Variants in TTN observed in about 807,000 individuals in gnomAD.
TTN encodes connectin.
A neutral mutation model predicts 3,223.0 loss-of-function variants in TTN; 1,525 were observed. The ratio of observed to expected loss-of-function variants is 0.47; its 90% CI spans 0.45 to 0.49. TTN has a LOEUF of 0.49. Ranked by LOEUF, TTN falls within the 20% of genes least tolerant of loss-of-function variation. The pLI, the probability that TTN is intolerant of heterozygous loss-of-function variation, is 0.00. For missense variants in TTN, 40,786 were observed against 43,424.0 expected, an observed-to-expected ratio of 0.94 and a Z score of 5.40; for synonymous variants, 14,094 against 15,161.0, an observed-to-expected ratio of 0.93 and a Z score of 5.17.
chr2:178,684,796 AC>A (rs1273035205), intron 130 of TTN, 47 bp from the exon 131 acceptor site: 2 of 1,583,130 alleles, frequency 1.3e-6, no homozygotes, highest in African/African-American at 2.7e-5. Flanking sequence ...TATGGAAAAC[AC>A]TAAACACAGG....
rs778669932 is a variant in TTN at position 178,771,470 on chromosome 2, A to C, written c.7857T>G (p.Gly2619=). The part of the protein sequence containing the change: ...NMTSGKLTVA[G]GAISKPLTDQ... ...CTGTGAGTGGCTTGGAGATGGCCCC[A>C]CCTTTGGAACAAGAGATGTACAGTA... The change falls in exon 34 of 363, where the codon GGT becomes GGG. Residue 2619 remains glycine (G), a splice_region_variant and synonymous_variant. Coordinates refer to ENST00000589042, the MANE Select transcript of TTN (RefSeq NM_001267550.2). 6.2e-7 allele frequency: 1 copy of C among 1,613,900 alleles called. No homozygotes were observed.
At position 178,777,971 on chromosome 2, in the gene TTN, G is replaced by T. The variant is rs375231916; in HGVS notation, c.4213C>A (p.Leu1405Ile). The part of the protein sequence containing the change: ...TLEPVSRIRS[L>I]SPRSVSRSPI... ...GACCTGCTCACTGAACGTGGAGAGA[G>T]AGATCTGCAAAACAAAGACACACAA... Residue 1405 changes from leucine (L) to isoleucine (I), a missense_variant, in exon 25 of 363, where the codon CTC becomes ATC. Coordinates refer to ENST00000589042, the MANE Select transcript of TTN (RefSeq NM_001267550.2). 2 of 1,613,494 alleles carry T rather than the reference G, an allele frequency of 1.2e-6. No homozygotes were observed. Among genetic ancestry groups the T allele is most frequent in the Non-Finnish European group, 1.7e-6 (2 of 1,179,752 alleles).
Position 178,593,440 on chromosome 2 carries a change from C to G in TTN, c.58768G>C (p.Glu19590Gln). The change falls in exon 299 of 363, where the codon GAA becomes CAA. Residue 19590 changes from glutamate to glutamine, a missense_variant. Physicochemically the swap from Glu to Gln is conservative, Grantham distance 29. Transcript: ENST00000589042. ...ACTAATGCAGAGTCTTTGGTAACTTCTGTAACAATTGGCTGATCAGGTGCA... is the reference window on the plus strand; with the variant it reads ...ACTAATGCAGAGTCTTTGGTAACTTGTGTAACAATTGGCTGATCAGGTGCA... Reference protein sequence around the residue: ...PDAPDQPIVTEVTKDSALVTW... With the variant: ...PDAPDQPIVTQVTKDSALVTW... 6.2e-7 allele frequency: 1 copy of G among 1,612,886 alleles called. No homozygotes were observed. Among genetic ancestry groups the G allele is most frequent in the South Asian group, 1.1e-5 (1 of 90,816 alleles).
rs1464689186 is a variant in TTN at position 178,724,282 on chromosome 2, G to A, written c.21093C>T (p.Cys7031=). ...AACCTGAAACATCAACCACAGCTGT[G>A]CAGCTGCTTTTCCCAACATTATTTT... ...QVQNNVGKSS[C]TAVVDVSDRA... Residue 7031 remains cysteine, a synonymous_variant, in exon 72 of 363, where the codon TGC becomes TGT. Coordinates refer to ENST00000589042, the MANE Select transcript of TTN (RefSeq NM_001267550.2). The A allele has an allele frequency of 6.2e-7, 1 of 1,613,318 alleles. No individual in the cohort carries two copies. The highest frequency in any genetic ancestry group is 8.5e-7 in the Non-Finnish European group (1 of 1,179,524).
chr2:178,578,041 C>T lies in TTN; in HGVS notation c.68474G>A (p.Gly22825Asp), dbSNP rs376030605. The change falls in exon 322 of 363, where the codon GGT (glycine) becomes GAT (aspartate). Residue 22825 changes from glycine to aspartate, a missense_variant. Coordinates refer to ENST00000589042, the MANE Select transcript of TTN (RefSeq NM_001267550.2). ...EFRVMAINLA[G>D]VGKPSLPSEP... is the part of the protein sequence containing the mutation. ...TGATGGTAGGCTTGGCTTGCCCACA[C>T]CTGCTAAATTGATTGCCATAACTCG... is the stretch of plus-strand genomic sequence containing the variant. 2 of 1,613,112 alleles carry T rather than the reference C, an allele frequency of 1.2e-6. No homozygotes were observed. Among genetic ancestry groups the T allele is most frequent in the African/African-American group, 1.3e-5 (1 of 74,860 alleles).
rs1187898904 is a variant in TTN, at chr2:178,739,221, T to C, written c.14012A>G (p.His4671Arg). The C allele has an allele frequency of 2.5e-6, 4 of 1,573,706 alleles. No individual in the cohort carries two copies. Among genetic ancestry groups the C allele is most frequent in the South Asian group, 1.2e-5 (1 of 83,588 alleles). The change falls in exon 48 of 363, where the codon CAT (histidine) becomes CGT (arginine). Residue 4671 changes from histidine (H) to arginine (R), a missense_variant. Coordinates refer to ENST00000589042, the MANE Select transcript of TTN (RefSeq NM_001267550.2). ...LVIDKVNTED[H>R]QGEYVCEALN... ...GGCCTCACAGACATACTCTCCTTGA[T>C]GGTCTTCGGTATTTACTTTGTCGAT...
chr2:178,651,393 A>G, intron 207 of TTN, 60 bp downstream of exon 207: 1 of 1,601,630 alleles, frequency 6.2e-7, no homozygotes, highest in Non-Finnish European at 8.5e-7. Flanking sequence ...ACAGAACAAA[A>G]CCCTTTTAGA....
Position 178,581,524 on chromosome 2 carries a change from A to T in TTN, c.66744T>A (p.Asp22248Glu), listed in dbSNP as rs2047745662. Residue 22248 changes from aspartate (D) to glutamate (E), a missense_variant, in exon 316 of 363, where the codon GAT becomes GAA. Asp to Glu is a conservative substitution (Grantham distance 45). Coordinates refer to ENST00000589042, the MANE Select transcript of TTN (RefSeq NM_001267550.2). ...TTAAGATGTCCTTGGGATAGTGTTT[A>T]TCTGGCACATCACTGGGGTCACTGT... ...IGYSDPSDVP[D>E]KHYPKDILIP... is the part of the protein sequence containing the mutation. 1 of 1,605,286 alleles carries T rather than the reference A, an allele frequency of 6.2e-7. No individual in the cohort carries two copies.
In TTN at chr2:178,532,617, G is replaced by A. The variant is rs1689668746; in HGVS notation, c.103998C>T (p.Pro34666=). ...TTTTCATTGCTAAGTAGTCATCAATGGGGAGGAGTAATTCTTCATCAGAGA... is the reference window on the plus strand; with the variant it reads ...TTTTCATTGCTAAGTAGTCATCAATAGGGAGGAGTAATTCTTCATCAGAGA... ...GDISDEELLL[P]IDDYLAMKRT... is the part of the protein sequence containing the mutation. The change falls in exon 358 of 363, where the codon CCC becomes CCT. Residue 34666 remains proline (P), a synonymous_variant. Transcript: ENST00000589042. The A allele has an allele frequency of 6.2e-7, 1 of 1,613,926 alleles. No homozygotes were observed.
At chr2:178,695,702 ACT>A (rs2073573086) in intron 114 of TTN, among the ~76,000 whole-genome samples, 161 bp downstream of exon 114, 1 of 152,004 alleles carries the variant, frequency 6.6e-6, no homozygotes, top group South Asian at 2.1e-4. Context: ...CATGAAAGTA[ACT>A]CTGAGGAAAA....
intron 20 of TTN, among the ~76,000 whole-genome samples, chr2:178,781,991 T>C (rs1405270993): frequency 1.3e-5 from 2 of 152,100 alleles, no homozygotes; most frequent in South Asian, 2.1e-4. Context: ...AATTAAACTA[T>C]AATGTAAAGA....
At chr2:178,667,196 A>G (rs1251873494) in intron 162 of TTN, 40 bp downstream of exon 162, 1 of 1,493,374 alleles carries the variant, frequency 6.7e-7, no homozygotes, top group Non-Finnish European at 9.1e-7. Context: ...TGAAGACAGT[A>G]TATTTTCTTC....
At chr2:178,772,850 G>C (rs1464560519) in intron 33 of TTN, 1 of 502,310 alleles carries the variant, frequency 2.0e-6, no homozygotes, top group Non-Finnish European at 3.5e-6. Context: ...GTGATCCTGG[G>C]GTTGGATGAG....
chr2:178,548,395 G>A lies in TTN; in HGVS notation c.93231C>T (p.Val31077=), dbSNP rs757561934. ...ACGGAACACCTTCGGCCAGGTCATT[G>A]ACCTTGAAGATCTGACGAGTGCATT... ...SEKCTRQIFK[V]NDLAEGVPYY... The change falls in exon 339 of 363, where the codon GTC becomes GTT. Residue 31077 remains valine (V), a synonymous_variant. Coordinates refer to ENST00000589042, the MANE Select transcript of TTN (RefSeq NM_001267550.2). This position sits in a 1 kb window ranked among gnomAD's most constrained non-coding sequence, Gnocchi z 4.3. 3 of 1,613,836 alleles carry A rather than the reference G, an allele frequency of 1.9e-6. No individual in the cohort carries two copies. In the South Asian group the frequency reaches 3.3e-5, roughly 18 times the overall value.
intron 208 of TTN, 110 bp downstream of exon 208, chr2:178,651,133 A>G: frequency 2.3e-6 from 2 of 864,780 alleles, no homozygotes; most frequent in East Asian, 2.5e-5. Flanking sequence ...CCAGAATGAC[A>G]GTTTTGTAGT....
In TTN at chr2:178,745,304, A is replaced by C. The variant is rs564436630; in HGVS notation, c.11312-3383T>G. ...TTGTGGAGGAGGCATGAGGGTAAAT[A>C]GAAGTACAAACAATTAGGTAGCCAA... is the stretch of plus-strand genomic sequence containing the variant. On this transcript the variant is annotated intron_variant, in intron 47 of 362. Coordinates refer to ENST00000589042, the MANE Select transcript of TTN (RefSeq NM_001267550.2). 820 of 1,263,288 alleles carry C rather than the reference A, an allele frequency of 6.5e-4. 3 individuals are homozygous for C. The highest frequency in any genetic ancestry group is 7.1e-4 in the Non-Finnish European group (705 of 994,766). 78.3% of individuals were successfully genotyped at this position (1,263,288 alleles called of 1,614,324 possible).
intron 75 of TTN, 54 bp downstream of exon 75, chr2:178,722,992 T>G: frequency 1.3e-6 from 2 of 1,597,432 alleles, no homozygotes; most frequent in Non-Finnish European, 1.7e-6. Flanking sequence ...TCAAAGAAAC[T>G]ATGCTACATG....
Position 178,689,824 on chromosome 2 carries a change from G to A in TTN, c.31835C>T (p.Pro10612Leu). 6.2e-7 allele frequency: 1 copy of A among 1,611,068 alleles called. No homozygotes were observed. The highest frequency in any genetic ancestry group is 8.5e-7 in the Non-Finnish European group (1 of 1,179,036). ...PVPVAKKKEAPPAKVPEVQKG... is the reference protein window; with the variant it reads ...PVPVAKKKEALPAKVPEVQKG... The stretch of plus-strand genomic sequence containing the variant: ...GAAAGCCACTGTACCTTTAGCTGGG[G>A]GAGCTTCCTTTTTCTTTGCAACAGG... The change falls in exon 122 of 363, where the codon CCC becomes CTC. Residue 10612 changes from proline to leucine, a missense_variant. Coordinates refer to ENST00000589042, the MANE Select transcript of TTN (RefSeq NM_001267550.2).
rs2093449777 is a variant in TTN, at chr2:178,790,835, T to G, written c.1673A>C (p.Glu558Ala). Reference sequence around the variant, plus strand: ...CATGGATGCAGCAGTTATCTCAGTTTCCTGTCTTATCTGATGTTTAGAGTA... The same window carrying G: ...CATGGATGCAGCAGTTATCTCAGTTGCCTGTCTTATCTGATGTTTAGAGTA... ...KQVTQEAIRQ[E>A]TEITAASMVV... The change falls in exon 11 of 363, where the codon GAA becomes GCA. Residue 558 changes from glutamate to alanine, a missense_variant. Glu to Ala is a moderately radical substitution (Grantham distance 107, BLOSUM62 -1). Coordinates refer to ENST00000589042, the MANE Select transcript of TTN (RefSeq NM_001267550.2). 1.2e-6 allele frequency: 2 copies of G among 1,614,018 alleles called. No individual in the cohort carries two copies. Among genetic ancestry groups the G allele is most frequent in the South Asian group, 1.1e-5 (1 of 91,086 alleles).
Sources: gnomAD v4.1 joint callset for allele counts (sites outside exome capture counted in the v4.1 genomes callset) on GRCh38, gnomAD v4.1.1 for gene constraint, Gnocchi (gnomAD v3.1) non-coding constraint, MANE v1.5 for transcripts, NCBI Gene and HGNC (gene_info 2026-07-23, HGNC 2026-07-21) for gene names.